The following PTPRZ1 variants were observed in gnomAD, a reference collection of about 807,000 sequenced individuals.
PTPRZ1 encodes protein tyrosine phosphatase receptor type Z1.
A neutral mutation model predicts 214.1 loss-of-function variants in PTPRZ1; 82 were observed. The ratio of observed to expected loss-of-function variants is 0.38; its 90% CI spans 0.32 to 0.46. The LOEUF is 0.46. Ranked by LOEUF, PTPRZ1 falls within the 20% of genes least tolerant of loss-of-function variation. The probability of loss-of-function intolerance (pLI) is 1.00; values close to 1 mark genes in which losing one functional copy is unlikely to be tolerated. For synonymous variants in PTPRZ1, 945 were observed against 987.9 expected (o/e 0.96, Z 0.81); for missense variants, 2,603 against 2,748.7 (o/e 0.95, Z 1.19).
rs541484555 is a variant in PTPRZ1, at chr7:121,998,059, A to G, written c.1240+53A>G. 1.6e-5 allele frequency: 25 copies of G among 1,547,068 alleles called. No individual in the cohort carries two copies. In the Admixed American group the frequency reaches 2.9e-4, roughly 18 times the overall value. On this transcript the variant is annotated intron_variant, in intron 10 of 29. Coordinates refer to ENST00000393386, the MANE Select transcript of PTPRZ1 (RefSeq NM_002851.3). ...TTAACTCAATAAATGAGGTTAGTTTAATTACTGTATGCATTGATGCTTTCT... is the reference window on the plus strand; with the variant it reads ...TTAACTCAATAAATGAGGTTAGTTTGATTACTGTATGCATTGATGCTTTCT...
At chr7:121,940,651 T>A (rs1445235448) in intron 2 of PTPRZ1, among the ~76,000 whole-genome samples, 1 of 152,224 alleles carries the variant, frequency 6.6e-6, no homozygotes, top group Admixed American at 6.5e-5. Context: ...GTTAGAATAG[T>A]GTCTGGTGCA....
At chr7:122,028,891 A>G (rs1279455670) in intron 14 of PTPRZ1, among the ~76,000 whole-genome samples, 1 of 152,074 alleles carries the variant, frequency 6.6e-6, no homozygotes, top group East Asian at 1.9e-4. Flanking sequence ...GTTCAGGTGT[A>G]TTATGTTAAA....
intron 1 of PTPRZ1, among the ~76,000 whole-genome samples, chr7:121,922,490 G>A (rs1486659071): frequency 1.3e-5 from 2 of 152,180 alleles, no homozygotes; most frequent in Non-Finnish European, 2.9e-5. Context: ...CCAGGGCGTA[G>A]GCGTGGGGTG....
chr7:121,926,258 T>C (rs1795759054), intron 1 of PTPRZ1, among the ~76,000 whole-genome samples: 5 of 145,930 alleles, frequency 3.4e-5, no homozygotes, highest in Admixed American at 2.1e-4. Flanking sequence ...TGAGCTGAGA[T>C]CATGCCATTG....
chr7:121,889,085 G>T (rs549385042), intron 1 of PTPRZ1, among the ~76,000 whole-genome samples: 1 of 151,704 alleles, frequency 6.6e-6, no homozygotes, highest in East Asian at 1.9e-4. Flanking sequence ...TTTTAAGAAT[G>T]AATACTTTCA....
intron 2 of PTPRZ1, among the ~76,000 whole-genome samples, chr7:121,941,059 T>A (rs934573845): frequency 2.0e-5 from 3 of 152,226 alleles, no homozygotes; most frequent in Non-Finnish European, 2.9e-5. Flanking sequence ...ACACTGTCCC[T>A]GTCCCTCTCT....
At chr7:121,921,718 G>A (rs1299260641) in intron 1 of PTPRZ1, among the ~76,000 whole-genome samples, 1 of 152,034 alleles carries the variant, frequency 6.6e-6, no homozygotes, top group Non-Finnish European at 1.5e-5. Flanking sequence ...GAAGAGAGGA[G>A]GAAACCAAAA....
chr7:121,983,929 T>G (rs375326217), intron 7 of PTPRZ1, 38 bp from the exon 8 acceptor site: 1 of 1,603,812 alleles, frequency 6.2e-7, no homozygotes. Flanking sequence ...CCAATGCCTT[T>G]GAAGCAGATA....
chr7:122,042,887 C>G, intron 22 of PTPRZ1, 144 bp downstream of exon 22: 1 of 865,752 alleles, frequency 1.2e-6, no homozygotes, highest in Non-Finnish European at 1.8e-6. Context: ...TCTCATAGTT[C>G]TGATGTCTGT....
intron 25 of PTPRZ1, among the ~76,000 whole-genome samples, chr7:122,052,264 C>A (rs953167769): frequency 1.3e-5 from 2 of 152,168 alleles, no homozygotes; most frequent in Admixed American, 1.3e-4. Flanking sequence ...AACCCCTGAG[C>A]AAACCCGGGA....
rs1390394061 is a variant in PTPRZ1 at position 122,053,914 on chromosome 7, A to G, written c.6257A>G (p.Tyr2086Cys). 1 of 1,612,712 alleles carries G rather than the reference A, an allele frequency of 6.2e-7. No homozygotes were observed. Among genetic ancestry groups the G allele is most frequent in the South Asian group, 1.1e-5 (1 of 91,024 alleles). Residue 2086 changes from tyrosine to cysteine, a missense_variant, in exon 26 of 30, where the codon TAT (tyrosine) becomes TGT (cysteine). Around this residue, in one of 6 missense-constraint regions of PTPRZ1, gnomAD observed 134 missense variants for 183.3 expected, o/e 0.73. Coordinates refer to ENST00000393386, the MANE Select transcript of PTPRZ1 (RefSeq NM_002851.3). Reference sequence around the variant, plus strand: ...GTCTTCTCTTTGGTTTTGTAGGGCTATTACCAGAGCAATGAATTCATCATT... The same window carrying G: ...GTCTTCTCTTTGGTTTTGTAGGGCTGTTACCAGAGCAATGAATTCATCATT... ...DYINASYIMG[Y>C]YQSNEFIITQ...
At chr7:122,037,833 T>C (rs1437148589) in intron 18 of PTPRZ1, among the ~76,000 whole-genome samples, 1 of 152,226 alleles carries the variant, frequency 6.6e-6, no homozygotes, top group Admixed American at 6.5e-5. Flanking sequence ...TCAGGGTTGA[T>C]GCTTCCATTT....
rs1347636083 is a variant in PTPRZ1, at chr7:122,060,319, A to T, written c.6807+431A>T. 2.6e-5 allele frequency among the ~76,000 whole-genome samples: 4 copies of T among 152,126 alleles called. No homozygotes were observed. In the South Asian group the frequency reaches 8.3e-4, roughly 32 times the overall value. ...GTCTTATTCGGGGCCGCTGAGTTGT[A>T]TCAAGCTTGTGCTGCATGAAACTCC... On this transcript the variant is annotated intron_variant, in intron 29 of 29. Coordinates refer to ENST00000393386, the MANE Select transcript of PTPRZ1 (RefSeq NM_002851.3).
intron 8 of PTPRZ1, 73 bp from the exon 9 acceptor site, chr7:121,996,309 A>G (rs1337518827): frequency 2.8e-6 from 3 of 1,072,520 alleles, no homozygotes; most frequent in Non-Finnish European, 2.6e-6. Flanking sequence ...TAAAATTTTT[A>G]TAGAATATGT....
chr7:121,901,403 A>G (rs966619492), intron 1 of PTPRZ1, among the ~76,000 whole-genome samples: 1 of 152,190 alleles, frequency 6.6e-6, no homozygotes, highest in Non-Finnish European at 1.5e-5. Context: ...TCTTTTCTGT[A>G]TGTTTGTTTC....
rs750425042 is a variant in PTPRZ1 at position 122,012,804 on chromosome 7, A to G, written c.3758A>G (p.His1253Arg). ...VFDVSPTSHM[H>R]SASLQGLTIS... Reference sequence around the variant, plus strand: ...GATGTGTCGCCTACTTCTCATATGCACTCTGCTTCACTTCAAGGTTTGACC... The same window carrying G: ...GATGTGTCGCCTACTTCTCATATGCGCTCTGCTTCACTTCAAGGTTTGACC... The change falls in exon 12 of 30, where the codon CAC becomes CGC. Residue 1253 changes from histidine to arginine, a missense_variant. Around this residue, in one of 6 missense-constraint regions of PTPRZ1, gnomAD observed 1,913 missense variants for 1,914.3 expected, o/e 1.00. Coordinates refer to ENST00000393386, the MANE Select transcript of PTPRZ1 (RefSeq NM_002851.3). The G allele has an allele frequency of 1.2e-6, 2 of 1,611,172 alleles. No individual in the cohort carries two copies. Among genetic ancestry groups the G allele is most frequent in the African/African-American group, 1.3e-5 (1 of 74,826 alleles).
At chr7:122,020,657 T>A (rs191419352) in intron 13 of PTPRZ1, among the ~76,000 whole-genome samples, 2 of 152,334 alleles carry the variant, frequency 1.3e-5, no homozygotes, top group Non-Finnish European at 1.5e-5. Context: ...TGATCAACTG[T>A]ATTTCATATC....
intron 2 of PTPRZ1, among the ~76,000 whole-genome samples, chr7:121,936,842 G>T (rs567902888): frequency 3.3e-5 from 5 of 152,334 alleles, no homozygotes; most frequent in African/African-American, 1.2e-4. Flanking sequence ...CCAGAGAGTT[G>T]CACATTGTCG....
At chr7:122,046,814 A>C (rs753494832) in intron 23 of PTPRZ1, among the ~76,000 whole-genome samples, 25 of 152,138 alleles carry the variant, frequency 1.6e-4, no homozygotes, top group Non-Finnish European at 3.7e-4. Context: ...ACTGGTTCTG[A>C]AGCATAAGAG....
Sources: allele counts gnomAD v4.1 joint callset (sites outside exome capture counted in the v4.1 genomes callset), GRCh38; gene constraint gnomAD v4.1.1; regional missense constraint gnomAD v4.1.1; transcripts MANE v1.5; gene names NCBI Gene and HGNC (gene_info 2026-07-23, HGNC 2026-07-21).